Variants in NRP1 observed in about 807,000 individuals in gnomAD.
NRP1 encodes neuropilin 1.
In NRP1, 35 loss-of-function variants were observed where a neutral mutation model predicts 106.7. The ratio of observed to expected loss-of-function variants is 0.33; its 90% CI spans 0.25 to 0.43. The LOEUF is 0.43. NRP1 is among the 20% of genes least tolerant of loss of function. The pLI is 1.00. For missense variants in NRP1, 1,024 were observed against 1,170.4 expected (o/e 0.87, Z 1.83); for synonymous variants, 437 against 417.9 (o/e 1.05, Z -0.56).
At chr10:33,259,853 T>A (rs10827222) in intron 4 of NRP1, among the ~76,000 whole-genome samples, 78,499 of 150,808 alleles carry the variant, frequency 0.52, 21,009 homozygotes, top group African/African-American at 0.65. Flanking sequence ...GGTACTTAAA[T>A]TTTTTTTTTT....
chr10:33,279,851 G>T (rs1183237106), intron 2 of NRP1, among the ~76,000 whole-genome samples: 1 of 152,192 alleles, frequency 6.6e-6, no homozygotes, highest in East Asian at 1.9e-4. Flanking sequence ...CCAAGGGCAG[G>T]ACTGGGAAGC....
At position 33,270,785 on chromosome 10, in the gene NRP1, A is replaced by G; in HGVS notation, c.320T>C (p.Ile107Thr). The change falls in exon 3 of 17, where the codon ATA becomes ACA. Residue 107 changes from isoleucine to threonine, a missense_variant. Ile to Thr is a moderately conservative substitution (Grantham distance 89). This residue lies in a region of NRP1 where 279 missense variants were observed against 327.4 expected (regional missense o/e 0.85). Coordinates refer to ENST00000374867, the MANE Select transcript of NRP1 (RefSeq NM_003873.7). The stretch of plus-strand genomic sequence containing the variant: ...TGAAGACACAACAGGAGGAGGGGCT[A>G]TCTTTCCACAGAACTTTCCCCTAAA... The part of the protein sequence containing the change: ...GHFRGKFCGK[I>T]APPPVVSSGP... 1.2e-6 allele frequency: 2 copies of G among 1,613,992 alleles called. No homozygotes were observed. Among genetic ancestry groups the G allele is most frequent in the South Asian group, 1.1e-5 (1 of 91,024 alleles).
At chr10:33,236,368 T>G (rs1351821335) in intron 6 of NRP1, among the ~76,000 whole-genome samples, 1 of 152,248 alleles carries the variant, frequency 6.6e-6, no homozygotes, top group African/African-American at 2.4e-5. Context: ...GCTAGATGGG[T>G]TTACTTAATA....
chr10:33,294,958 C>T (rs1313959827), intron 2 of NRP1, among the ~76,000 whole-genome samples: 1 of 152,198 alleles, frequency 6.6e-6, no homozygotes, highest in Non-Finnish European at 1.5e-5. Context: ...TATACTACAT[C>T]AACTTTGGGC....
intron 2 of NRP1, among the ~76,000 whole-genome samples, chr10:33,302,463 G>T (rs567182511): frequency 1.3e-5 from 2 of 152,318 alleles, no homozygotes; most frequent in South Asian, 4.1e-4. Context: ...TTGATCAAAA[G>T]ATGGCTATTG....
intron 8 of NRP1, among the ~76,000 whole-genome samples, chr10:33,219,956 G>T (rs193014519): frequency 6.6e-6 from 1 of 152,276 alleles, no homozygotes; most frequent in Non-Finnish European, 1.5e-5. Context: ...AGAACTTTCT[G>T]TCATCTAACT....
At position 33,180,193 on chromosome 10, in the gene NRP1, A is replaced by G. The variant is rs759182631; in HGVS notation, c.2655T>C (p.His885=). 1.2e-6 allele frequency: 2 copies of G among 1,614,064 alleles called. No homozygotes were observed. Among genetic ancestry groups the G allele is most frequent in the Non-Finnish European group, 1.7e-6 (2 of 1,180,028 alleles). The change falls in exon 17 of 17, where the codon CAT becomes CAC. Residue 885 remains histidine (H), a synonymous_variant. Coordinates refer to ENST00000374867, the MANE Select transcript of NRP1 (RefSeq NM_003873.7). Reference sequence around the variant, plus strand: ...ACAAGTTTCTTTCTGACATCCCATTATGCCAACAGGCACAGTACAGCACGA... The same window carrying G: ...ACAAGTTTCTTTCTGACATCCCATTGTGCCAACAGGCACAGTACAGCACGA... ...CGVVLYCACW[H]NGMSERNLSA... is the part of the protein sequence containing the mutation.
At chr10:33,314,524 G>A (rs1846878430) in intron 2 of NRP1, among the ~76,000 whole-genome samples, 1 of 152,252 alleles carries the variant, frequency 6.6e-6, no homozygotes, top group South Asian at 2.1e-4. Context: ...TAACATTGAA[G>A]AGCTAGTAAG....
intron 6 of NRP1, among the ~76,000 whole-genome samples, chr10:33,245,998 CT>C (rs1841392987): frequency 6.6e-6 from 1 of 152,096 alleles, no homozygotes; most frequent in East Asian, 1.9e-4. Flanking sequence ...ATCTAAGAGG[CT>C]TTTTCAAATA....
intron 2 of NRP1, among the ~76,000 whole-genome samples, chr10:33,275,350 C>T (rs148340929): frequency 0.052 from 7,864 of 152,156 alleles, 231 homozygotes; most frequent in Non-Finnish European, 0.061. Context: ...GGGTGGATCA[C>T]GAGGTCAGGA....
rs113722704 is a variant in NRP1 at position 33,256,330 on chromosome 10, C to T, written c.800G>A (p.Ser267Asn). 1.6e-3 allele frequency: 2,623 copies of T among 1,614,180 alleles called. 27 individuals are homozygous for T. In the African/African-American group the frequency reaches 0.025, roughly 16 times the overall value. The change falls in exon 5 of 17, where the codon AGC becomes AAC. Residue 267 changes from serine to asparagine, a missense_variant. Ser to Asn is a conservative substitution (Grantham distance 46). Transcript: ENST00000374867. ...TAAACACTGACCTTCTGAGACACTG[C>T]TCTGCAAGACACTGTAGTTTGCTGA... ...GFSANYSVLQ[S>N]SVSEDFKCME...
Position 33,226,301 on chromosome 10 carries a change from G to A in NRP1, c.982-12C>T. On this transcript the variant is annotated splice_polypyrimidine_tract_variant and intron_variant, in intron 6 of 16. Transcript: ENST00000374867. ...AGGCCCAAGTCTACCTGCAAGACAA[G>A]TACAAGCGTGGTCAGTGCACCATCC... The A allele has an allele frequency of 1.2e-6, 2 of 1,613,978 alleles. No individual in the cohort carries two copies. The highest frequency in any genetic ancestry group is 1.1e-5 in the South Asian group (1 of 91,072).
chr10:33,263,673 G>T lies in NRP1; in HGVS notation c.631C>A (p.Leu211Ile). The T allele has an allele frequency of 1.2e-6, 2 of 1,614,012 alleles. No individual in the cohort carries two copies. Among genetic ancestry groups the T allele is most frequent in the Non-Finnish European group, 1.7e-6 (2 of 1,179,964 alleles). ...TCAGGGAATCCATCCCAGATTTCTA[G>T]CCGGTCGTAGCGACAGAACATCCCC... ...PGGMFCRYDR[L>I]EIWDGFPDVG... Residue 211 changes from leucine (L) to isoleucine (I), a missense_variant, in exon 4 of 17, where the codon CTA becomes ATA. Leu to Ile is a conservative substitution (Grantham distance 5, BLOSUM62 2). Transcript: ENST00000374867.
At chr10:33,235,863 G>A (rs942023106) in intron 6 of NRP1, among the ~76,000 whole-genome samples, 1 of 152,196 alleles carries the variant, frequency 6.6e-6, no homozygotes, top group African/African-American at 2.4e-5. Context: ...ACATTTTTAA[G>A]ACATACGCCG....
intron 8 of NRP1, among the ~76,000 whole-genome samples, chr10:33,217,235 C>A (rs1483604391): frequency 1.3e-5 from 2 of 152,080 alleles, no homozygotes; most frequent in African/African-American, 4.8e-5. Flanking sequence ...GAACCGTCAC[C>A]AGATTAATGC....
At chr10:33,245,787 C>A (rs1274053769) in intron 6 of NRP1, among the ~76,000 whole-genome samples, 1 of 151,896 alleles carries the variant, frequency 6.6e-6, no homozygotes, top group African/African-American at 2.4e-5. Flanking sequence ...TGAGATATCC[C>A]TGAAAGAAAA....
intron 2 of NRP1, among the ~76,000 whole-genome samples, chr10:33,283,469 A>G (rs1418095138): frequency 6.6e-6 from 1 of 151,560 alleles, no homozygotes; most frequent in Non-Finnish European, 1.5e-5. Flanking sequence ...TCAATCTGTA[A>G]TGCAGTGAAT....
intron 10 of NRP1, chr10:33,206,169 C>T (rs199664321): frequency 1.2e-4 from 60 of 515,852 alleles, no homozygotes; most frequent in Non-Finnish European, 1.4e-4. Context: ...AAATCAGCAT[C>T]GCCTTCCAGA....
chr10:33,241,035 G>A (rs1056949860), intron 6 of NRP1, among the ~76,000 whole-genome samples: 4 of 152,150 alleles, frequency 2.6e-5, no homozygotes, highest in Non-Finnish European at 4.4e-5. Context: ...GGAAAGCCTT[G>A]CAAAAATGAA....
Sources: gnomAD v4.1 joint callset for allele counts (sites outside exome capture counted in the v4.1 genomes callset) on GRCh38, gnomAD v4.1.1 for gene constraint, gnomAD v4.1.1 regional missense constraint, MANE v1.5 for transcripts, NCBI Gene and HGNC (gene_info 2026-07-23, HGNC 2026-07-21) for gene names.